Variants in ATP9B observed in about 807,000 individuals in gnomAD.
ATP9B encodes the protein probable phospholipid-transporting ATPase IIB.
ATP9B carries 110 observed loss-of-function variants against 146.1 expected under a neutral mutation model. The observed-to-expected ratio is 0.75, with a 90% CI of 0.65 to 0.88. The LOEUF is 0.88. Ranked by LOEUF, ATP9B falls within the 40% of genes least tolerant of loss-of-function variation. The probability of loss-of-function intolerance (pLI) is 0.00; values close to 1 mark genes in which losing one functional copy is unlikely to be tolerated. For missense variants in ATP9B, 1,499 were observed against 1,496.4 expected, an observed-to-expected ratio of 1.00 and a Z score of -0.03; for synonymous variants, 604 against 569.7, an observed-to-expected ratio of 1.06 and a Z score of -0.86.
intron 23 of ATP9B, 147 bp downstream of exon 23, chr18:79,345,986 A>G: frequency 1.1e-6 from 1 of 881,014 alleles, no homozygotes; most frequent in South Asian, 1.5e-5. Context: ...GCAAACACTC[A>G]GCACATGCTT....
intron 15 of ATP9B, among the ~76,000 whole-genome samples, chr18:79,327,628 T>C (rs665201): frequency 0.75 from 45,622 of 60,672 alleles, 16,551 homozygotes; most frequent in East Asian, 0.89. Flanking sequence ...CCCTGGTTAG[T>C]GTGCCCTCCC....
rs1461547322 is a variant in ATP9B, at chr18:79,110,394, A to C, written c.333A>C (p.Lys111Asn). ...GWLINICRRK[K>N]ELKARTVWLG... is the part of the protein sequence containing the mutation. ...TGATAAATATTTGTCGAAGAAAGAA[A>C]GAGCTGAAAGCTCGCACAGTATGGC... Residue 111 changes from lysine to asparagine, a missense_variant, in exon 3 of 30, where the codon AAA (lysine) becomes AAC (asparagine). Transcript: ENST00000426216. The C allele has an allele frequency of 1.9e-6, 3 of 1,608,618 alleles. No homozygotes were observed. The Admixed American group carries it at 5.1e-5, about 27-fold the overall frequency.
intron 9 of ATP9B, among the ~76,000 whole-genome samples, chr18:79,200,355 T>C (rs928042052): frequency 1.3e-5 from 2 of 152,156 alleles, no homozygotes; most frequent in Non-Finnish European, 2.9e-5. Context: ...TCCATTATGA[T>C]AGTTGGAGAT....
At chr18:79,289,906 A>G (rs972452274) in intron 13 of ATP9B, among the ~76,000 whole-genome samples, 28 of 152,226 alleles carry the variant, frequency 1.8e-4, no homozygotes, top group African/African-American at 6.3e-4. Context: ...GGGTATTAGC[A>G]GCAGTGGGTG....
chr18:79,135,579 G>A (rs545056058), intron 5 of ATP9B, among the ~76,000 whole-genome samples: 11 of 152,216 alleles, frequency 7.2e-5, no homozygotes, highest in African/African-American at 1.9e-4. Flanking sequence ...ACTTCAGTTC[G>A]TTTTCAACCT....
intron 12 of ATP9B, chr18:79,254,792 C>G (rs1305327366): frequency 6.5e-6 from 1 of 152,954 alleles, no homozygotes; most frequent in South Asian, 2.1e-4. Context: ...CAGTGCTCCT[C>G]TACCTCATCA....
intron 13 of ATP9B, among the ~76,000 whole-genome samples, chr18:79,299,723 T>C (rs942072784): frequency 1.3e-5 from 2 of 152,252 alleles, no homozygotes; most frequent in Admixed American, 1.3e-4. Flanking sequence ...TTGGAGAGCT[T>C]AAATCCACTC....
At position 79,191,773 on chromosome 18, in the gene ATP9B, TG is replaced by T. The variant is rs577215267; in HGVS notation, c.874-1409del. 2.8e-4 allele frequency among the ~76,000 whole-genome samples: 43 copies of T among 152,356 alleles called. 2 individuals are homozygous for T. The East Asian group carries it at 8.3e-3, about 29-fold the overall frequency. On this transcript the variant is annotated intron_variant, in intron 8 of 29. Coordinates refer to ENST00000426216, the MANE Select transcript of ATP9B (RefSeq NM_198531.5). ...CTTTGAAATTCTCATTTCTTAATGCTGAAGTTTGACCATCTCAGGGCCAGTC... is the reference window on the plus strand; with the variant it reads ...CTTTGAAATTCTCATTTCTTAATGCTAAGTTTGACCATCTCAGGGCCAGTC...
At chr18:79,178,806 A>T (rs1400340164) in intron 8 of ATP9B, among the ~76,000 whole-genome samples, 1 of 152,196 alleles carries the variant, frequency 6.6e-6, no homozygotes, top group Non-Finnish European at 1.5e-5. Flanking sequence ...GATGTTCATG[A>T]AACATATGGA....
intron 11 of ATP9B, among the ~76,000 whole-genome samples, chr18:79,252,031 C>T (rs2096029337): frequency 6.6e-6 from 1 of 152,336 alleles, no homozygotes; most frequent in African/African-American, 2.4e-5. Flanking sequence ...CACCCTGGCA[C>T]CTCTGCCCTG....
At chr18:79,306,214 C>T (rs750907594) in intron 14 of ATP9B, among the ~76,000 whole-genome samples, 4 of 152,192 alleles carry the variant, frequency 2.6e-5, no homozygotes, top group Non-Finnish European at 5.9e-5. Flanking sequence ...TGAGTTACTC[C>T]GAAGTTAACT....
intron 12 of ATP9B, among the ~76,000 whole-genome samples, chr18:79,271,962 T>C (rs1196562496): frequency 6.6e-6 from 1 of 152,208 alleles, no homozygotes; most frequent in African/African-American, 2.4e-5. Context: ...CTCATTGTGG[T>C]TTTGATTTGC....
At chr18:79,248,016 T>C (rs1347100225) in intron 11 of ATP9B, among the ~76,000 whole-genome samples, 4 of 152,308 alleles carry the variant, frequency 2.6e-5, no homozygotes, top group East Asian at 1.9e-4. Context: ...CTGATACTTA[T>C]TTAGGGAATT....
At chr18:79,296,785 G>A (rs1232567490) in intron 13 of ATP9B, among the ~76,000 whole-genome samples, 2 of 152,178 alleles carry the variant, frequency 1.3e-5, no homozygotes, top group Non-Finnish European at 2.9e-5. Context: ...CAGGTTCTGG[G>A]GATAGAGTTG....
rs576769160 is a variant in ATP9B, at chr18:79,297,860, C to G, written c.1412-5744C>G. On this transcript the variant is annotated intron_variant, in intron 13 of 29. Transcript: ENST00000426216. The stretch of plus-strand genomic sequence containing the variant: ...AAACACTGCAATGACCTTAACAGAA[C>G]AGCCCTGGGTATAAAGAGCAGGAAG... Among the ~76,000 whole-genome samples, 4 of 147,390 alleles carry G rather than the reference C, an allele frequency of 2.7e-5. No homozygotes were observed. In the South Asian group the frequency reaches 8.6e-4, roughly 32 times the overall value.
intron 9 of ATP9B, among the ~76,000 whole-genome samples, chr18:79,200,734 G>GGGGTCAGAGCAGAGGTGGAGGTGGGAACA (rs1568388585): frequency 7.0e-6 from 1 of 142,182 alleles, no homozygotes; most frequent in African/African-American, 2.6e-5. Flanking sequence ...GGGGACTGTC[G>GGGGTCAGAGCAGAGGTGGAGGTGGGAACA]GGGTCAGAGC....
At chr18:79,139,564 G>A (rs2094489472) in intron 5 of ATP9B, among the ~76,000 whole-genome samples, 1 of 152,062 alleles carries the variant, frequency 6.6e-6, no homozygotes, top group Non-Finnish European at 1.5e-5. Flanking sequence ...TACATAGTAG[G>A]TATATATATT....
chr18:79,264,727 G>A (rs1452496391), intron 12 of ATP9B, among the ~76,000 whole-genome samples: 3 of 149,618 alleles, frequency 2.0e-5, no homozygotes, highest in African/African-American at 5.0e-5. Context: ...CCATATTTCT[G>A]CAAACCAATT....
chr18:79,220,110 A>G (rs1229874676), intron 11 of ATP9B, among the ~76,000 whole-genome samples: 1 of 152,180 alleles, frequency 6.6e-6, no homozygotes, highest in Non-Finnish European at 1.5e-5. Context: ...AGGCAGGGAC[A>G]GCCGGTCGTG....
Sources: gnomAD v4.1 joint callset for allele counts (sites outside exome capture counted in the v4.1 genomes callset) on GRCh38, gnomAD v4.1.1 for gene constraint, MANE v1.5 for transcripts, NCBI Gene and HGNC (gene_info 2026-07-23, HGNC 2026-07-21) for gene names.